The following USH1G variants were observed in gnomAD, a reference collection of about 807,000 sequenced individuals.
The protein encoded by USH1G is USH1 protein network component sans.
Under a neutral mutation model 31.9 loss-of-function variants are expected in USH1G, and 27 were observed. That is an observed-to-expected ratio of 0.85 (90% CI 0.62 to 1.17). USH1G has a LOEUF of 1.17. USH1G is among the 50% of genes most tolerant of loss of function. The pLI, the probability that USH1G is intolerant of heterozygous loss-of-function variation, is 0.00. For missense variants in USH1G, 674 were observed against 638.9 expected, an observed-to-expected ratio of 1.05 and a Z score of -0.59; for synonymous variants, 266 against 283.2, an observed-to-expected ratio of 0.94 and a Z score of 0.61.
At position 74,917,974 on chromosome 17, in the gene USH1G, G is replaced by A; in HGVS notation, c.*99C>T. 2 of 1,521,566 alleles carry A rather than the reference G, an allele frequency of 1.3e-6. No homozygotes were observed. Among genetic ancestry groups the A allele is most frequent in the African/African-American group, 1.4e-5 (1 of 73,022 alleles). 94.3% of individuals were successfully genotyped at this position (1,521,566 alleles called of 1,614,324 possible). ...GCCCCAACTGGTCCTTGCTCCTGGG[G>A]AAGGGGGCTGCAGGGCTGGCAACTG... On this transcript the variant is annotated 3_prime_UTR_variant, in exon 3 of 3. Coordinates refer to ENST00000614341, the MANE Select transcript of USH1G (RefSeq NM_173477.5).
chr17:74,919,410 C>G lies in USH1G; in HGVS notation c.1382+44G>C, dbSNP rs764553015. On this transcript the variant is annotated intron_variant, in intron 2 of 2. Transcript: ENST00000614341. This position sits in a 1 kb window ranked among gnomAD's most constrained non-coding sequence, Gnocchi z 4.5. Reference sequence around the variant, plus strand: ...TCTGTACCCCCTCCCCAGGGGCCTTCCAACTCCTGCTCCTCCATCCCCCCC... The same window carrying G: ...TCTGTACCCCCTCCCCAGGGGCCTTGCAACTCCTGCTCCTCCATCCCCCCC... 2 of 1,567,300 alleles carry G rather than the reference C, an allele frequency of 1.3e-6. No individual in the cohort carries two copies. The highest frequency in any genetic ancestry group is 2.4e-5 in the South Asian group (2 of 84,136).
rs1790097282 is a variant in USH1G at position 74,922,912 on chromosome 17, G to A, written c.162C>T (p.Arg54=). The change falls in exon 1 of 3, where the codon CGC becomes CGT. Residue 54 remains arginine (R), a splice_region_variant and synonymous_variant. Coordinates refer to ENST00000614341, the MANE Select transcript of USH1G (RefSeq NM_173477.5). ...GGCACTGGGTGGGGCGTACTCACCC[G>A]CGGCTCACAATGAGACGCAGCGACT... is the stretch of plus-strand genomic sequence containing the variant. ...NLESLRLIVS[R]GGDPDKCDIW... 3 of 1,545,258 alleles carry A rather than the reference G, an allele frequency of 1.9e-6. No individual in the cohort carries two copies. The highest frequency in any genetic ancestry group is 2.0e-5 in the Admixed American group (1 of 50,876).
chr17:74,921,893 C>T lies in USH1G; in HGVS notation c.164+1017G>A, dbSNP rs1427442794. Among the ~76,000 whole-genome samples the T allele has an allele frequency of 6.6e-6, 1 of 152,162 alleles. No homozygotes were observed. Among genetic ancestry groups the T allele is most frequent in the Non-Finnish European group, 1.5e-5 (1 of 68,010 alleles). On this transcript the variant is annotated intron_variant, in intron 1 of 2. Coordinates refer to ENST00000614341, the MANE Select transcript of USH1G (RefSeq NM_173477.5). This position sits in a 1 kb window ranked among gnomAD's most constrained non-coding sequence, Gnocchi z 4.6. ...GCTTCAAGGCTGCTCCCACCTGATG[C>T]TGGGCCCAAGGAGCAGCCCAAGGAG... is the stretch of plus-strand genomic sequence containing the variant.
Position 74,919,172 on chromosome 17 carries a change from T to C in USH1G, c.1382+282A>G, listed in dbSNP as rs2038899160. On this transcript the variant is annotated intron_variant, in intron 2 of 2. Transcript: ENST00000614341. This position sits in a 1 kb window ranked among gnomAD's most constrained non-coding sequence, Gnocchi z 4.5. ...TGATTCCTGTGACTGTTGAAATTCA[T>C]TGACATTAAGAGGCCCATTTCCCCA... 6.6e-6 allele frequency among the ~76,000 whole-genome samples: 1 copy of C among 152,164 alleles called. No individual in the cohort carries two copies. Among genetic ancestry groups the C allele is most frequent in the South Asian group, 2.1e-4 (1 of 4,828 alleles).
rs958330241 is a variant in USH1G at position 74,918,313 on chromosome 17, G to A, written c.1383-237C>T. ...CAGGATAACGGCCATAGATACCTAAGAGGAAATGAGGACAAAGTTTGTTGG... is the reference window on the plus strand; with the variant it reads ...CAGGATAACGGCCATAGATACCTAAAAGGAAATGAGGACAAAGTTTGTTGG... On this transcript the variant is annotated intron_variant, in intron 2 of 2. Transcript: ENST00000614341. This position sits in a 1 kb window ranked among gnomAD's most constrained non-coding sequence, Gnocchi z 4.1. Among the ~76,000 whole-genome samples, 5 of 152,146 alleles carry A rather than the reference G, an allele frequency of 3.3e-5. No homozygotes were observed. The highest frequency in any genetic ancestry group is 1.3e-4 in the Admixed American group (2 of 15,274).
At position 74,917,184 on chromosome 17, in the gene USH1G, GACACCCAGCCAC is replaced by G. The variant is rs2038879006; in HGVS notation, c.*877_*888del. The G allele has an allele frequency of 6.6e-6, 1 of 152,342 alleles. No homozygotes were observed. The highest frequency in any genetic ancestry group is 1.5e-5 in the Non-Finnish European group (1 of 68,130). 9.4% of individuals were successfully genotyped at this position (152,342 alleles called of 1,614,324 possible). A position where few individuals can be genotyped will look rare whatever the true frequency, so the allele number is the denominator to read the frequency against. ...CGCAGGACTTACCCACCCCAGGCCT[GACACCCAGCCAC>G]ACCCTGTTCTGCCTGTCCCAGGCCT... On this transcript the variant is annotated 3_prime_UTR_variant, in exon 3 of 3. Transcript: ENST00000614341.
chr17:74,920,483 T>A lies in USH1G; in HGVS notation c.353A>T (p.Asp118Val). ...GCTGCTCTGCTTGGCCGCGATGGAGTCCAGGTAGCGCACGCATTCCATGTG... is the reference window on the plus strand; with the variant it reads ...GCTGCTCTGCTTGGCCGCGATGGAGACCAGGTAGCGCACGCATTCCATGTG... ...KGHMECVRYLDSIAAKQSSLN... is the reference protein window; with the variant it reads ...KGHMECVRYLVSIAAKQSSLN... Residue 118 changes from aspartate (D) to valine (V), a missense_variant, in exon 2 of 3, where the codon GAC (aspartate) becomes GTC (valine). By Grantham distance (152) the Asp-to-Val change is radical (BLOSUM62 -3). Coordinates refer to ENST00000614341, the MANE Select transcript of USH1G (RefSeq NM_173477.5). The surrounding 1 kb of genome is among the most constrained non-coding windows in gnomAD (Gnocchi z 5.2). 6.2e-7 allele frequency: 1 copy of A among 1,613,602 alleles called. No individual in the cohort carries two copies. The highest frequency in any genetic ancestry group is 1.3e-5 in the African/African-American group (1 of 74,996).
chr17:74,923,060 T>C lies in USH1G; in HGVS notation c.14A>G (p.Tyr5Cys). MNDQ[Y>C]HRAARDGYLE... The stretch of plus-strand genomic sequence containing the variant: ...GTAGCCATCCCGGGCTGCCCGGTGG[T>C]ACTGGTCGTTCATGGCGCCCGAAGT... Residue 5 changes from tyrosine to cysteine, a missense_variant, in exon 1 of 3, where the codon TAC (tyrosine) becomes TGC (cysteine). Coordinates refer to ENST00000614341, the MANE Select transcript of USH1G (RefSeq NM_173477.5). The surrounding 1 kb of genome is among the most constrained non-coding windows in gnomAD (Gnocchi z 5.3). 1.3e-6 allele frequency: 2 copies of C among 1,585,204 alleles called. No homozygotes were observed. Among genetic ancestry groups the C allele is most frequent in the Non-Finnish European group, 1.7e-6 (2 of 1,164,542 alleles).
Position 74,919,355 on chromosome 17 carries a change from T to A in USH1G, c.1382+99A>T. 6.9e-7 allele frequency: 1 copy of A among 1,440,916 alleles called. No individual in the cohort carries two copies. The highest frequency in any genetic ancestry group is 9.2e-7 in the Non-Finnish European group (1 of 1,090,364). 89.3% of individuals were successfully genotyped at this position (1,440,916 alleles called of 1,614,324 possible). A position where few individuals can be genotyped will look rare whatever the true frequency, so the allele number is the denominator to read the frequency against. ...CATTTCGATTTTATGAAATACAGTA[T>A]CCCCCACCCCCTACTCCTGAATAGG... On this transcript the variant is annotated intron_variant, in intron 2 of 2. Transcript: ENST00000614341. The surrounding 1 kb of genome is among the most constrained non-coding windows in gnomAD (Gnocchi z 4.5).
In USH1G at chr17:74,919,949, T is replaced by G. The variant is rs758764789; in HGVS notation, c.887A>C (p.Glu296Ala). Residue 296 changes from glutamate to alanine, a missense_variant, in exon 2 of 3, where the codon GAG becomes GCG. Transcript: ENST00000614341. The surrounding 1 kb of genome is among the most constrained non-coding windows in gnomAD (Gnocchi z 4.5). ...ATLAAEPAHS[E>A]VSTDSGHDSL... ...GTCGTGGCCTGAGTCGGTGCTGACC[T>G]CCGAGTGGGCAGGCTCGGCCGCCAG... is the stretch of plus-strand genomic sequence containing the variant. 6.8e-6 allele frequency: 11 copies of G among 1,611,720 alleles called. No homozygotes were observed. Among genetic ancestry groups the G allele is most frequent in the Non-Finnish European group, 7.6e-6 (9 of 1,179,008 alleles).
In USH1G at chr17:74,919,435, C is replaced by CCG. The variant is rs962741334; in HGVS notation, c.1382+18_1382+19insCG. The CCG allele has an allele frequency of 3.8e-6, 6 of 1,593,680 alleles. No individual in the cohort carries two copies. The highest frequency in any genetic ancestry group is 5.1e-6 in the Non-Finnish European group (6 of 1,169,780). ...CCAACTCCTGCTCCTCCATCCCCCC[C>CCG]GCCAGGCTGGACACTCACAGCTCTG... On this transcript the variant is annotated intron_variant, in intron 2 of 2. Transcript: ENST00000614341. This position sits in a 1 kb window ranked among gnomAD's most constrained non-coding sequence, Gnocchi z 4.5.
chr17:74,919,379 G>T lies in USH1G; in HGVS notation c.1382+75C>A. 4 of 1,467,770 alleles carry T rather than the reference G, an allele frequency of 2.7e-6. No homozygotes were observed. The highest frequency in any genetic ancestry group is 2.3e-5 in the East Asian group (1 of 42,690). 90.9% of individuals were successfully genotyped at this position (1,467,770 alleles called of 1,614,324 possible). A position where few individuals can be genotyped will look rare whatever the true frequency, so the allele number is the denominator to read the frequency against. On this transcript the variant is annotated intron_variant, in intron 2 of 2. Transcript: ENST00000614341. This position sits in a 1 kb window ranked among gnomAD's most constrained non-coding sequence, Gnocchi z 4.5. ...ATCCCCCACCCCCTACTCCTGAATA[G>T]GCAGATCTGTACCCCCTCCCCAGGG...
At chr17:74,922,871 T>G in intron 1 of USH1G, 39 bp downstream of exon 1, 1 of 1,530,174 alleles carries the variant, frequency 6.5e-7, no homozygotes, top group Non-Finnish European at 8.8e-7. Flanking sequence ...TTTGGGGTGG[T>G]CTCAGGGGCC....
In USH1G at chr17:74,921,093, G is replaced by A. The variant is rs1413412590; in HGVS notation, c.165-422C>T. On this transcript the variant is annotated intron_variant, in intron 1 of 2. Coordinates refer to ENST00000614341, the MANE Select transcript of USH1G (RefSeq NM_173477.5). This position sits in a 1 kb window ranked among gnomAD's most constrained non-coding sequence, Gnocchi z 4.6. Reference sequence around the variant, plus strand: ...CAGGCGTGGTGGTGAGTGTGGCTGCGTGTGCCGAGTGACCGTAAAAGAGAA... The same window carrying A: ...CAGGCGTGGTGGTGAGTGTGGCTGCATGTGCCGAGTGACCGTAAAAGAGAA... Among the ~76,000 whole-genome samples, 3 of 152,136 alleles carry A rather than the reference G, an allele frequency of 2.0e-5. No homozygotes were observed. The highest frequency in any genetic ancestry group is 4.8e-5 in the African/African-American group (2 of 41,426).
At position 74,919,628 on chromosome 17, in the gene USH1G, T is replaced by C. The variant is rs997638798; in HGVS notation, c.1208A>G (p.Asp403Gly). Residue 403 changes from aspartate to glycine, a missense_variant, in exon 2 of 3, where the codon GAC (aspartate) becomes GGC (glycine). Transcript: ENST00000614341. This position sits in a 1 kb window ranked among gnomAD's most constrained non-coding sequence, Gnocchi z 4.5. The stretch of plus-strand genomic sequence containing the variant: ...CTCCTGCCGCAGGAGGGCGGCAAAG[T>C]CCTCCATGTGCAGAGAGGCCAGGAA... The part of the protein sequence containing the change: ...ETFLASLHME[D>G]FAALLRQEKI... 3.7e-6 allele frequency: 6 copies of C among 1,612,648 alleles called. No individual in the cohort carries two copies. In the African/African-American group the frequency reaches 6.7e-5, roughly 18 times the overall value.
In USH1G at chr17:74,920,195, G is replaced by T; in HGVS notation, c.641C>A (p.Thr214Asn). The T allele has an allele frequency of 6.2e-7, 1 of 1,602,334 alleles. No individual in the cohort carries two copies. Residue 214 changes from threonine (T) to asparagine (N), a missense_variant, in exon 2 of 3, where the codon ACC (threonine) becomes AAC (asparagine). Physicochemically the swap from Thr to Asn is moderately conservative, Grantham distance 65. Transcript: ENST00000614341. The surrounding 1 kb of genome is among the most constrained non-coding windows in gnomAD (Gnocchi z 5.2). Reference sequence around the variant, plus strand: ...CCGCTCCAGCTTCTTCTGCATCTTGGTCTTGCCCCTGGCCGTGCCGTGCAG... The same window carrying T: ...CCGCTCCAGCTTCTTCTGCATCTTGTTCTTGCCCCTGGCCGTGCCGTGCAG... ...ATLHGTARGK[T>N]KMQKKLERRK...
At position 74,920,464 on chromosome 17, in the gene USH1G, C is replaced by A. The variant is rs1598584517; in HGVS notation, c.372G>T (p.Gln124His). 1 of 1,613,628 alleles carries A rather than the reference C, an allele frequency of 6.2e-7. No homozygotes were observed. Among genetic ancestry groups the A allele is most frequent in the African/African-American group, 1.3e-5 (1 of 74,940 alleles). Residue 124 changes from glutamine to histidine, a missense_variant, in exon 2 of 3, where the codon CAG becomes CAT. Gln to His is a conservative substitution (Grantham distance 24). Coordinates refer to ENST00000614341, the MANE Select transcript of USH1G (RefSeq NM_173477.5). The surrounding 1 kb of genome is among the most constrained non-coding windows in gnomAD (Gnocchi z 5.2). ...VRYLDSIAAKQSSLNPKLVGK... is the reference protein window; with the variant it reads ...VRYLDSIAAKHSSLNPKLVGK... The stretch of plus-strand genomic sequence containing the variant: ...CCACCAGCTTGGGGTTGAGGCTGCT[C>A]TGCTTGGCCGCGATGGAGTCCAGGT...
At position 74,921,490 on chromosome 17, in the gene USH1G, C is replaced by A. The variant is rs1296341252; in HGVS notation, c.165-819G>T. Reference sequence around the variant, plus strand: ...GCAAGCTCCCAAGACTCCTCCGGAGCTCTCCCTCCCTTGGGGGCCCAGCAC... The same window carrying A: ...GCAAGCTCCCAAGACTCCTCCGGAGATCTCCCTCCCTTGGGGGCCCAGCAC... On this transcript the variant is annotated intron_variant, in intron 1 of 2. Transcript: ENST00000614341. This position sits in a 1 kb window ranked among gnomAD's most constrained non-coding sequence, Gnocchi z 4.6. Among the ~76,000 whole-genome samples, 1 of 151,536 alleles carries A rather than the reference C, an allele frequency of 6.6e-6. No individual in the cohort carries two copies. Among genetic ancestry groups the A allele is most frequent in the Non-Finnish European group, 1.5e-5 (1 of 67,796 alleles).
Position 74,920,566 on chromosome 17 carries a change from GTTGGC to G in USH1G, c.265_269del (p.Ala89HisfsTer44). ...GGTAGTCGTTGTCTAGGCACCAGAT[GTTGGC>G]TCCGAAGGACACCAGGAAGGACAGG... On this transcript the variant is annotated frameshift_variant, in exon 2 of 3. Transcript: ENST00000614341. LOFTEE classifies it high-confidence loss of function. This position sits in a 1 kb window ranked among gnomAD's most constrained non-coding sequence, Gnocchi z 5.2. 1 of 1,613,812 alleles carries G rather than the reference GTTGGC, an allele frequency of 6.2e-7. No individual in the cohort carries two copies. Among genetic ancestry groups the G allele is most frequent in the Non-Finnish European group, 8.5e-7 (1 of 1,180,036 alleles).
Sources: gnomAD v4.1 joint callset for allele counts (sites outside exome capture counted in the v4.1 genomes callset) on GRCh38, gnomAD v4.1.1 for gene constraint, Gnocchi (gnomAD v3.1) non-coding constraint, MANE v1.5 for transcripts, NCBI Gene and HGNC (gene_info 2026-07-23, HGNC 2026-07-21) for gene names.